KLF12: variants seen among roughly 807,000 people sequenced by gnomAD.
KLF12 encodes the protein Krueppel-like factor 12.
Under a neutral mutation model 37.8 loss-of-function variants are expected in KLF12, and 9 were observed. That is an observed-to-expected ratio of 0.24 (90% confidence interval 0.14 to 0.42). The LOEUF (loss-of-function observed/expected upper bound fraction) is 0.42. KLF12 is among the 10% of genes least tolerant of loss of function. The pLI, the probability that KLF12 is intolerant of heterozygous loss-of-function variation, is 1.00. For synonymous variants in KLF12, 208 were observed against 202.1 expected (o/e 1.03, Z -0.25); for missense variants, 411 against 516.0 (o/e 0.80, Z 1.97).
intron 2 of KLF12, among the ~76,000 whole-genome samples, chr13:73,962,680 T>C (rs1397612489): frequency 6.6e-6 from 1 of 152,200 alleles, no homozygotes; most frequent in African/African-American, 2.4e-5. Flanking sequence ...CTTCGCAAGT[T>C]TAATCACAAA....
At chr13:73,753,863 G>C (rs754660066) in intron 6 of KLF12, among the ~76,000 whole-genome samples, 1 of 152,144 alleles carries the variant, frequency 6.6e-6, no homozygotes, top group Non-Finnish European at 1.5e-5. Flanking sequence ...AAGCAGAAGG[G>C]TGTAAGATAG....
chr13:73,699,810 C>T (rs370063598), intron 7 of KLF12, among the ~76,000 whole-genome samples: 42 of 152,144 alleles, frequency 2.8e-4, no homozygotes, highest in African/African-American at 9.9e-4. Context: ...CCTGGTAGAG[C>T]AAGGGTTTGT....
chr13:73,705,566 T>C (rs1447886682), intron 7 of KLF12, among the ~76,000 whole-genome samples: 4 of 152,160 alleles, frequency 2.6e-5, no homozygotes, highest in African/African-American at 9.7e-5. Context: ...AGCCAATGTG[T>C]CCAATCCTAT....
rs116017640 is a variant in KLF12 at position 73,782,101 on chromosome 13, T to C, written c.807-17101A>G. On this transcript the variant is annotated intron_variant, in intron 5 of 7. Coordinates refer to ENST00000377669, the MANE Select transcript of KLF12 (RefSeq NM_007249.5). Reference sequence around the variant, plus strand: ...TTCATGGAAGGGCTATGTAGTAACATGGTTAAGAGTCTAGACTCTAGACCA... The same window carrying C: ...TTCATGGAAGGGCTATGTAGTAACACGGTTAAGAGTCTAGACTCTAGACCA... 6.1e-3 allele frequency among the ~76,000 whole-genome samples: 923 copies of C among 152,338 alleles called. 12 individuals are homozygous for C. Among genetic ancestry groups the C allele is most frequent in the African/African-American group, 0.021 (871 of 41,576 alleles).
At chr13:73,771,749 A>G (rs1880285651) in intron 5 of KLF12, among the ~76,000 whole-genome samples, 1 of 152,250 alleles carries the variant, frequency 6.6e-6, no homozygotes. Flanking sequence ...TAGGAAAATT[A>G]TAAGAGATTT....
intron 1 of KLF12, among the ~76,000 whole-genome samples, chr13:74,120,680 C>T (rs779294330): frequency 6.6e-6 from 1 of 151,802 alleles, no homozygotes; most frequent in Non-Finnish European, 1.5e-5. Context: ...TTAAAGCAAA[C>T]ACAGTAGCCA....
At chr13:74,144,403 GAC>G in the KLF12 span, among the ~76,000 whole-genome samples, 1 of 152,134 alleles carries the variant, frequency 6.6e-6, no homozygotes, top group Non-Finnish European at 1.5e-5. Context: ...ATGAAACTAA[GAC>G]ACAAAGCATG....
chr13:73,920,694 C>G (rs61564861), intron 3 of KLF12, among the ~76,000 whole-genome samples: 6,851 of 152,126 alleles, frequency 0.045, 387 homozygotes, highest in African/African-American at 0.13. Flanking sequence ...CTAAAAGTTA[C>G]GTCAAACACA....
chr13:74,117,914 A>G (rs1379467848), intron 1 of KLF12, among the ~76,000 whole-genome samples: 1 of 151,438 alleles, frequency 6.6e-6, no homozygotes, highest in African/African-American at 2.5e-5. Context: ...AGGTGTAACA[A>G]CTCAAAGCAA....
At chr13:73,985,157 T>C (rs571831293) in intron 2 of KLF12, among the ~76,000 whole-genome samples, 2 of 152,248 alleles carry the variant, frequency 1.3e-5, no homozygotes, top group Admixed American at 6.5e-5. Flanking sequence ...AGAGTCTTCA[T>C]GATTGCAGTC....
At chr13:74,167,371 T>C in the KLF12 span, among the ~76,000 whole-genome samples, 14 of 152,174 alleles carry the variant, frequency 9.2e-5, no homozygotes, top group Non-Finnish European at 1.8e-4. Flanking sequence ...AGGGAACCAA[T>C]ATAAGGTCAA....
intron 2 of KLF12, among the ~76,000 whole-genome samples, chr13:73,964,325 T>A (rs2139479878): frequency 6.6e-6 from 1 of 152,318 alleles, no homozygotes; most frequent in East Asian, 1.9e-4. Context: ...TACTGGCTCC[T>A]ACCCACAATT....
At chr13:74,119,733 T>C (rs1877515667) in intron 1 of KLF12, among the ~76,000 whole-genome samples, 2 of 151,946 alleles carry the variant, frequency 1.3e-5, no homozygotes, top group Non-Finnish European at 2.9e-5. Flanking sequence ...TCTAATGCGC[T>C]TGTCAACATA....
intron 4 of KLF12, among the ~76,000 whole-genome samples, chr13:73,836,957 G>A (rs1353773562): frequency 1.3e-5 from 2 of 152,096 alleles, no homozygotes; most frequent in African/African-American, 4.8e-5. Flanking sequence ...TTATTCGGTA[G>A]TACCTAATAT....
intron 1 of KLF12, among the ~76,000 whole-genome samples, chr13:74,039,920 C>T (rs1208149759): frequency 2.0e-5 from 3 of 152,250 alleles, no homozygotes; most frequent in African/African-American, 7.2e-5. Context: ...AAAATAGTGA[C>T]TTACGGCTGT....
chr13:74,170,174 CAAG>C, the KLF12 span, among the ~76,000 whole-genome samples: 5,006 of 152,010 alleles, frequency 0.033, 181 homozygotes, highest in African/African-American at 0.086. Flanking sequence ...ATGATCTGCG[CAAG>C]AAGAAGAAAG....
intron 6 of KLF12, among the ~76,000 whole-genome samples, chr13:73,749,716 G>A (rs574169296): frequency 8.5e-5 from 13 of 152,266 alleles, no homozygotes; most frequent in African/African-American, 3.1e-4. Flanking sequence ...ATCAGGTGGA[G>A]GTAAGAATTA....
At chr13:74,033,625 CTT>C (rs1893170133) in intron 1 of KLF12, among the ~76,000 whole-genome samples, 1 of 152,124 alleles carries the variant, frequency 6.6e-6, no homozygotes, top group Admixed American at 6.5e-5. Flanking sequence ...TTCAAAAAGA[CTT>C]TTGTTTTGAA....
chr13:74,163,856 T>C, the KLF12 span, among the ~76,000 whole-genome samples: 1 of 148,142 alleles, frequency 6.8e-6, no homozygotes, highest in Non-Finnish European at 1.5e-5. Context: ...TATATACACC[T>C]ACTATGTACC....
Sources: gnomAD v4.1 joint callset for allele counts (sites outside exome capture counted in the v4.1 genomes callset) on GRCh38, gnomAD v4.1.1 for gene constraint, MANE v1.5 for transcripts, NCBI Gene and HGNC (gene_info 2026-07-23, HGNC 2026-07-21) for gene names.